LRRC7: variants seen among roughly 807,000 people sequenced by gnomAD.
LRRC7 encodes the protein leucine rich repeat containing 7.
In LRRC7, 23 loss-of-function variants were observed where a neutral mutation model predicts 175.7. The ratio of observed to expected loss-of-function variants is 0.13; its 90% confidence interval spans 0.09 to 0.19. LRRC7 has a LOEUF of 0.19. Ranked by LOEUF, LRRC7 falls within the 10% of genes least tolerant of loss-of-function variation. The pLI is 1.00. For missense variants in LRRC7, 1,354 were observed against 1,904.7 expected, an observed-to-expected ratio of 0.71 and a Z score of 5.38; for synonymous variants, 685 against 680.9, an observed-to-expected ratio of 1.01 and a Z score of -0.09.
intron 8 of LRRC7, among the ~76,000 whole-genome samples, chr1:69,947,463 A>G (rs2101813735): frequency 6.6e-6 from 1 of 152,178 alleles, no homozygotes; most frequent in Admixed American, 6.5e-5. Context: ...GGTGCTTATA[A>G]AATATATTAT....
At chr1:69,750,508 A>C (rs1669749337) in intron 2 of LRRC7, among the ~76,000 whole-genome samples, 1 of 152,200 alleles carries the variant, frequency 6.6e-6, no homozygotes. Context: ...GAACAAAGAT[A>C]AATGTAGTTT....
chr1:69,625,983 C>G (rs1651457188), intron 1 of LRRC7, among the ~76,000 whole-genome samples: 1 of 150,206 alleles, frequency 6.7e-6, no homozygotes, highest in Non-Finnish European at 1.5e-5. Context: ...GTCCTATATT[C>G]TTACTAATTT....
intron 3 of LRRC7, among the ~76,000 whole-genome samples, chr1:69,764,695 G>GGGTAGGTGGATAGATA (rs1557697739): frequency 6.7e-6 from 1 of 150,366 alleles, no homozygotes; most frequent in East Asian, 2.0e-4. Flanking sequence ...TCCTGTGGGT[G>GGGTAGGTGGATAGATA]GGTAGGTGGA....
At chr1:69,748,588 A>G (rs911150790) in intron 2 of LRRC7, among the ~76,000 whole-genome samples, 1 of 152,188 alleles carries the variant, frequency 6.6e-6, no homozygotes, top group Non-Finnish European at 1.5e-5. Flanking sequence ...AAAGTACTAA[A>G]CACACCTCTG....
rs1225384086 is a variant in LRRC7 at position 69,781,725 on chromosome 1, AAGAAAGAAAG to A, written c.304-10314_304-10305del. On this transcript the variant is annotated intron_variant, in intron 3 of 26. Transcript: ENST00000651989. ...AAAGAAAGAAAGAAAGAAAGAAAGAAAGAAAGAAAGAGAGAGAGAGAGAGAGAGAGAGAGA... is the reference window on the plus strand; with the variant it reads ...AAAGAAAGAAAGAAAGAAAGAAAGAAAGAGAGAGAGAGAGAGAGAGAGAGA... Among the ~76,000 whole-genome samples, 265 of 34,066 alleles carry A rather than the reference AAGAAAGAAAG, an allele frequency of 7.8e-3. 4 individuals carry two copies. Among genetic ancestry groups the A allele is most frequent in the African/African-American group, 0.019 (109 of 5,822 alleles). 22.3% of individuals were successfully genotyped at this position (34,066 alleles called of 152,430 possible). A position where few individuals can be genotyped will look rare whatever the true frequency, so the allele number is the denominator to read the frequency against.
At chr1:69,905,754 G>T (rs952108229) in intron 7 of LRRC7, among the ~76,000 whole-genome samples, 1 of 152,112 alleles carries the variant, frequency 6.6e-6, no homozygotes, top group African/African-American at 2.4e-5. Context: ...ATGGTTTATA[G>T]TCCTTTGGGT....
intron 21 of LRRC7, among the ~76,000 whole-genome samples, chr1:70,040,095 G>A (rs546781835): frequency 2.0e-5 from 3 of 152,246 alleles, no homozygotes; most frequent in South Asian, 4.2e-4. Flanking sequence ...TAGCCATTAA[G>A]GCAAAATGCC....
At chr1:69,815,234 G>A (rs1678448525) in intron 4 of LRRC7, among the ~76,000 whole-genome samples, 1 of 151,922 alleles carries the variant, frequency 6.6e-6, no homozygotes, top group Admixed American at 6.6e-5. Flanking sequence ...ACATCATTTT[G>A]GTGACAAACA....
intron 20 of LRRC7, among the ~76,000 whole-genome samples, chr1:70,037,749 C>A (rs937744323): frequency 6.6e-6 from 1 of 152,134 alleles, no homozygotes; most frequent in African/African-American, 2.4e-5. Flanking sequence ...TTGATTCCTT[C>A]AACAAATGTG....
intron 20 of LRRC7, 22 bp from the exon 21 acceptor site, chr1:70,038,091 C>A (rs371497273): frequency 1.9e-6 from 3 of 1,563,086 alleles, no homozygotes; most frequent in Non-Finnish European, 2.6e-6. Flanking sequence ...TTTTCAATTT[C>A]TTCTTCCCAT....
At chr1:69,690,301 A>T (rs764109348) in intron 2 of LRRC7, among the ~76,000 whole-genome samples, 1 of 152,228 alleles carries the variant, frequency 6.6e-6, no homozygotes, top group African/African-American at 2.4e-5. Flanking sequence ...GAGTAACTGT[A>T]GTCAAGTCAT....
intron 1 of LRRC7, among the ~76,000 whole-genome samples, chr1:69,653,188 A>G (rs1354941237): frequency 6.6e-6 from 1 of 152,110 alleles, no homozygotes; most frequent in East Asian, 1.9e-4. Flanking sequence ...TACACATGAC[A>G]TATCTGATAA....
chr1:69,879,237 G>A (rs59447879), intron 7 of LRRC7, among the ~76,000 whole-genome samples: 51,061 of 110,574 alleles, frequency 0.46, 10,827 homozygotes, highest in East Asian at 0.57. Context: ...AAAAAAAAAA[G>A]ACTGCGCACT....
In LRRC7 at chr1:69,789,178, C is replaced by G. The variant is rs1207502178; in HGVS notation, c.304-2865C>G. On this transcript the variant is annotated intron_variant, in intron 3 of 26. Transcript: ENST00000651989. ...GTGTCAGTAATTTATATTGTATAGT[C>G]TTCTCAAACCAATTTCTTCAGAGTT... Among the ~76,000 whole-genome samples the G allele has an allele frequency of 2.0e-5, 3 of 152,076 alleles. No homozygotes were observed. The East Asian group carries it at 5.8e-4, about 29-fold the overall frequency.
chr1:70,050,180 TAGAGAA>T (rs1660646408), intron 22 of LRRC7, among the ~76,000 whole-genome samples: 1 of 152,032 alleles, frequency 6.6e-6, no homozygotes, highest in African/African-American at 2.4e-5. Context: ...TATATAGATA[TAGAGAA>T]AGAGGCATAC....
intron 1 of LRRC7, among the ~76,000 whole-genome samples, chr1:69,648,299 T>C (rs1419884883): frequency 6.6e-6 from 1 of 152,078 alleles, no homozygotes; most frequent in Non-Finnish European, 1.5e-5. Context: ...CGAGGTGTTA[T>C]GAAAAGGGAA....
At chr1:70,021,975 T>C (rs764499785) in intron 16 of LRRC7, among the ~76,000 whole-genome samples, 3 of 152,182 alleles carry the variant, frequency 2.0e-5, no homozygotes, top group African/African-American at 4.8e-5. Flanking sequence ...ATATGTGTTC[T>C]ATTAATAAAG....
chr1:69,618,941 T>A (rs1650107138), intron 1 of LRRC7, among the ~76,000 whole-genome samples: 1 of 152,192 alleles, frequency 6.6e-6, no homozygotes, highest in African/African-American at 2.4e-5. Context: ...AATATTTTAA[T>A]TTTGTGTCAT....
At chr1:69,987,159 C>T (rs1234177359) in intron 10 of LRRC7, among the ~76,000 whole-genome samples, 3 of 152,130 alleles carry the variant, frequency 2.0e-5, no homozygotes, top group African/African-American at 4.8e-5. Context: ...GCAGGAGAAT[C>T]GCTTGAACCC....
Sources: gnomAD v4.1 joint callset for allele counts (sites outside exome capture counted in the v4.1 genomes callset) on GRCh38, gnomAD v4.1.1 for gene constraint, MANE v1.5 for transcripts, NCBI Gene and HGNC (gene_info 2026-07-23, HGNC 2026-07-21) for gene names.